DOCK10: variants seen among roughly 807,000 people sequenced by gnomAD.
The protein encoded by DOCK10 is dedicator of cytokinesis protein 10.
In DOCK10, 145 loss-of-function variants were observed where a neutral mutation model predicts 280.1. That is an observed-to-expected ratio of 0.52 (90% CI 0.45 to 0.59). The LOEUF (loss-of-function observed/expected upper bound fraction) is 0.59. Ranked by LOEUF, DOCK10 falls within the 20% of genes least tolerant of loss-of-function variation. The pLI, the probability that DOCK10 is intolerant of heterozygous loss-of-function variation, is 0.00. For synonymous variants in DOCK10, 915 were observed against 942.2 expected, an observed-to-expected ratio of 0.97 and a Z score of 0.53; for missense variants, 2,368 against 2,651.7, an observed-to-expected ratio of 0.89 and a Z score of 2.35.
At chr2:224,782,432 C>T (rs144798487) in intron 50 of DOCK10, among the ~76,000 whole-genome samples, 2 of 152,236 alleles carry the variant, frequency 1.3e-5, no homozygotes, top group Non-Finnish European at 2.9e-5. Flanking sequence ...AATACCAGGG[C>T]CTAAGGACTT....
At chr2:224,959,089 A>T (rs569134111) in intron 1 of DOCK10, among the ~76,000 whole-genome samples, 3 of 152,296 alleles carry the variant, frequency 2.0e-5, no homozygotes, top group Admixed American at 6.5e-5. Context: ...ATTTTCAGGA[A>T]CCAGTTCTGA....
At chr2:224,896,145 T>C in intron 4 of DOCK10, 150 bp downstream of exon 4, 1 of 447,948 alleles carries the variant, frequency 2.2e-6, no homozygotes, top group Middle Eastern at 3.0e-4. Flanking sequence ...TTGAACAAAA[T>C]GTCCTATCTT....
At chr2:225,039,064 T>C (rs1033757291) in intron 1 of DOCK10, among the ~76,000 whole-genome samples, 24 of 152,242 alleles carry the variant, frequency 1.6e-4, no homozygotes, top group African/African-American at 5.3e-4. Context: ...TAATGAATTA[T>C]AGAAAGCTAT....
At chr2:224,995,289 T>C (rs555821879) in intron 1 of DOCK10, among the ~76,000 whole-genome samples, 2 of 152,336 alleles carry the variant, frequency 1.3e-5, no homozygotes, top group South Asian at 4.1e-4. Context: ...GGGAAGGAAC[T>C]ACACAGGGCA....
intron 1 of DOCK10, among the ~76,000 whole-genome samples, chr2:224,967,149 G>A (rs1303439311): frequency 1.3e-5 from 2 of 149,618 alleles, no homozygotes; most frequent in Non-Finnish European, 3.0e-5. Context: ...GCGAGATCTC[G>A]GCTCACTGCA....
chr2:224,943,302 A>T (rs76364746), intron 1 of DOCK10, among the ~76,000 whole-genome samples: 2,246 of 152,244 alleles, frequency 0.015, 68 homozygotes, highest in African/African-American at 0.049. Flanking sequence ...AACTTTCAAA[A>T]CAACTAAAAA....
At chr2:224,885,856 A>G in intron 6 of DOCK10, 51 bp from the exon 7 acceptor site, 2 of 1,577,984 alleles carry the variant, frequency 1.3e-6, no homozygotes, top group Non-Finnish European at 1.7e-6. Context: ...ATGTGCTATT[A>G]CTCATAGAAA....
intron 7 of DOCK10, among the ~76,000 whole-genome samples, chr2:224,878,183 C>T (rs571304092): frequency 5.1e-4 from 77 of 152,204 alleles, no homozygotes; most frequent in Non-Finnish European, 8.7e-4. Context: ...ACAGACTGTC[C>T]CCAGATAGCT....
intron 41 of DOCK10, among the ~76,000 whole-genome samples, chr2:224,799,115 C>T (rs1182752599): frequency 4.6e-5 from 7 of 152,182 alleles, no homozygotes; most frequent in South Asian, 2.1e-4. Context: ...AGATAATGAA[C>T]GTATCTATCA....
intron 7 of DOCK10, among the ~76,000 whole-genome samples, chr2:224,876,967 T>C (rs1180913283): frequency 6.6e-6 from 1 of 152,218 alleles, no homozygotes; most frequent in African/African-American, 2.4e-5. Context: ...GATTCTTCTC[T>C]AGCTTGACAT....
At chr2:224,971,823 A>G (rs1705102324) in intron 1 of DOCK10, among the ~76,000 whole-genome samples, 1 of 152,234 alleles carries the variant, frequency 6.6e-6, no homozygotes, top group Admixed American at 6.5e-5. Context: ...GAAATGTGTT[A>G]TATGTATAAA....
intron 1 of DOCK10, among the ~76,000 whole-genome samples, chr2:224,936,589 T>G (rs1702706522): frequency 6.7e-6 from 1 of 149,524 alleles, no homozygotes; most frequent in Non-Finnish European, 1.5e-5. Context: ...AACTAAATTT[T>G]TTAAAGTTTG....
chr2:225,028,024 T>A (rs879634270), intron 1 of DOCK10, among the ~76,000 whole-genome samples: 4 of 152,244 alleles, frequency 2.6e-5, no homozygotes, highest in Admixed American at 2.6e-4. Context: ...AATCTTTTAA[T>A]GCACTTTCTG....
intron 18 of DOCK10, among the ~76,000 whole-genome samples, chr2:224,850,890 G>C (rs1250888786): frequency 6.6e-6 from 1 of 152,134 alleles, no homozygotes; most frequent in Non-Finnish European, 1.5e-5. Flanking sequence ...GAAACTGTGA[G>C]TCTATTAAAT....
intron 1 of DOCK10, among the ~76,000 whole-genome samples, chr2:224,938,059 A>G (rs1341652127): frequency 6.6e-6 from 1 of 152,148 alleles, no homozygotes; most frequent in Non-Finnish European, 1.5e-5. Flanking sequence ...TGTCTTGGTT[A>G]TTCACCATTG....
chr2:224,838,552 AG>A (rs1695740826), intron 24 of DOCK10, among the ~76,000 whole-genome samples: 2 of 152,338 alleles, frequency 1.3e-5, no homozygotes, highest in African/African-American at 4.8e-5. Flanking sequence ...CTTTTGATGC[AG>A]GTCCAGAACT....
At chr2:224,791,080 C>CA (rs1354645591) in intron 47 of DOCK10, among the ~76,000 whole-genome samples, 4 of 152,138 alleles carry the variant, frequency 2.6e-5, no homozygotes, top group Non-Finnish European at 4.4e-5. Flanking sequence ...TAACATTGGG[C>CA]ATTTAAAGCA....
intron 1 of DOCK10, among the ~76,000 whole-genome samples, chr2:224,942,237 C>T (rs530646533): frequency 4.5e-4 from 68 of 152,378 alleles, no homozygotes; most frequent in Admixed American, 2.3e-3. Flanking sequence ...CTCCCTGACA[C>T]ATGAGCTAAC....
intron 1 of DOCK10, among the ~76,000 whole-genome samples, chr2:224,950,076 C>A (rs931806852): frequency 2.6e-5 from 4 of 152,132 alleles, no homozygotes; most frequent in Non-Finnish European, 5.9e-5. Context: ...TCATGAGGAA[C>A]CACTAAAGGA....
Sources: allele counts gnomAD v4.1 joint callset (sites outside exome capture counted in the v4.1 genomes callset), GRCh38; gene constraint gnomAD v4.1.1; transcripts MANE v1.5; gene names NCBI Gene and HGNC (gene_info 2026-07-23, HGNC 2026-07-21).